RCOR1: variants seen among roughly 807,000 people sequenced by gnomAD.
RCOR1 encodes REST corepressor 1.
In RCOR1, 12 loss-of-function variants were observed where a neutral mutation model predicts 64.0. The ratio of observed to expected loss-of-function variants is 0.19; its 90% CI spans 0.12 to 0.30. The LOEUF is 0.30. RCOR1 is among the 10% of genes least tolerant of loss of function. The probability of loss-of-function intolerance (pLI) is 1.00; values close to 1 mark genes in which losing one functional copy is unlikely to be tolerated. For synonymous variants in RCOR1, 279 were observed against 227.2 expected (o/e 1.23, Z -2.05); for missense variants, 502 against 621.2 (o/e 0.81, Z 2.04).
intron 2 of RCOR1, among the ~76,000 whole-genome samples, chr14:102,638,675 C>CT (rs1357878063): frequency 1.3e-5 from 2 of 151,068 alleles, no homozygotes; most frequent in African/African-American, 2.5e-5. Flanking sequence ...CTTTTCTTTT[C>CT]TTTTTTTCTT....
intron 2 of RCOR1, among the ~76,000 whole-genome samples, chr14:102,635,588 A>C (rs1271079338): frequency 1.3e-5 from 2 of 152,208 alleles, no homozygotes; most frequent in Non-Finnish European, 2.9e-5. Flanking sequence ...TATTATTATT[A>C]AAATTGTATG....
chr14:102,695,354 T>C (rs1452494162), intron 3 of RCOR1: 1 of 151,220 alleles, frequency 6.6e-6, no homozygotes, highest in East Asian at 1.9e-4. Flanking sequence ...CCCTTCTGCC[T>C]CTATCTTCTC....
intron 3 of RCOR1, chr14:102,695,449 G>C (rs897956098): frequency 1.3e-5 from 2 of 152,208 alleles, no homozygotes; most frequent in Non-Finnish European, 2.9e-5. Context: ...GGAACTCCTT[G>C]TTCTTCTCTC....
chr14:102,620,842 ACT>A (rs1555462350), intron 2 of RCOR1, among the ~76,000 whole-genome samples: 1 of 151,828 alleles, frequency 6.6e-6, no homozygotes, highest in Non-Finnish European at 1.5e-5. Context: ...CTGCTCCATT[ACT>A]CTTTCTTTAT....
At chr14:102,597,554 C>G (rs1893282779) in intron 2 of RCOR1, among the ~76,000 whole-genome samples, 1 of 151,006 alleles carries the variant, frequency 6.6e-6, no homozygotes, top group Admixed American at 6.6e-5. Flanking sequence ...GTCTCGAACT[C>G]CTGACCTCAG....
intron 2 of RCOR1, among the ~76,000 whole-genome samples, chr14:102,628,538 CAAAA>C (rs371262191): frequency 2.4e-5 from 3 of 127,316 alleles, no homozygotes; most frequent in African/African-American, 8.5e-5. Flanking sequence ...ACTGCAACTC[CAAAA>C]AAAAAAAAAG....
chr14:102,667,599 T>G (rs946258347), intron 2 of RCOR1, among the ~76,000 whole-genome samples: 16 of 152,142 alleles, frequency 1.1e-4, no homozygotes, highest in Admixed American at 9.2e-4. Context: ...GAGACCGAAT[T>G]TAGCCTGCAA....
intron 2 of RCOR1, among the ~76,000 whole-genome samples, chr14:102,638,839 T>A (rs1033189093): frequency 2.6e-5 from 4 of 152,114 alleles, no homozygotes; most frequent in Non-Finnish European, 5.9e-5. Flanking sequence ...ATGTTTGTAT[T>A]TTTAGTGGAG....
At chr14:102,714,685 T>C in intron 8 of RCOR1, 68 bp downstream of exon 8, 2 of 1,213,436 alleles carry the variant, frequency 1.6e-6, no homozygotes, top group Non-Finnish European at 2.3e-6. Context: ...CTGTTATTCA[T>C]ATATGTGAAT....
intron 2 of RCOR1, among the ~76,000 whole-genome samples, chr14:102,607,605 C>G (rs1893539413): frequency 1.3e-5 from 2 of 151,950 alleles, no homozygotes; most frequent in Admixed American, 6.6e-5. Flanking sequence ...AAAAGCTAGC[C>G]AGGCGTGGTT....
chr14:102,661,606 A>G (rs914979949), intron 2 of RCOR1, among the ~76,000 whole-genome samples: 7 of 152,212 alleles, frequency 4.6e-5, no homozygotes, highest in Non-Finnish European at 1.0e-4. Flanking sequence ...AGTATTTCCT[A>G]CAGTATTAGG....
chr14:102,654,114 T>A (rs1348540625), intron 2 of RCOR1, among the ~76,000 whole-genome samples: 1 of 149,778 alleles, frequency 6.7e-6, no homozygotes, highest in Admixed American at 6.7e-5. Flanking sequence ...GCCTCCCGAG[T>A]AGCTGGGACT....
chr14:102,707,555 C>CT, intron 5 of RCOR1, 43 bp downstream of exon 5: 2 of 1,487,640 alleles, frequency 1.3e-6, no homozygotes, highest in Non-Finnish European at 1.8e-6. Context: ...TTTCTCCTAT[C>CT]TAACTCTCTT....
intron 2 of RCOR1, among the ~76,000 whole-genome samples, chr14:102,597,250 A>G (rs1893273675): frequency 6.7e-6 from 1 of 150,140 alleles, no homozygotes; most frequent in East Asian, 1.9e-4. Flanking sequence ...GAAACTTAAC[A>G]GGCAGCTTTT....
chr14:102,702,658 C>A (rs981415645), intron 4 of RCOR1, among the ~76,000 whole-genome samples: 4 of 152,118 alleles, frequency 2.6e-5, no homozygotes, highest in African/African-American at 9.7e-5. Flanking sequence ...TCAGAGAAGA[C>A]CTTCAGTTTA....
intron 11 of RCOR1, among the ~76,000 whole-genome samples, chr14:102,723,644 C>T (rs1384818035): frequency 6.8e-6 from 1 of 147,848 alleles, no homozygotes; most frequent in Non-Finnish European, 1.5e-5. Flanking sequence ...TGATTTTTTT[C>T]TTTATTATTA....
intron 2 of RCOR1, among the ~76,000 whole-genome samples, chr14:102,650,277 G>A (rs1292348985): frequency 2.0e-5 from 3 of 151,424 alleles, no homozygotes; most frequent in African/African-American, 7.3e-5. Context: ...GGGAGGCTGA[G>A]GTGGGAGAAT....
Position 102,726,555 on chromosome 14 carries a change from A to G in RCOR1, c.*49A>G, listed in dbSNP as rs1346553380. 3.3e-6 allele frequency: 5 copies of G among 1,495,790 alleles called. No homozygotes were observed. Among genetic ancestry groups the G allele is most frequent in the Non-Finnish European group, 3.7e-6 (4 of 1,091,550 alleles). The allele number at this position is 1,495,790 out of a possible 1,614,324, so 92.7% of individuals were successfully genotyped here. A position where few individuals can be genotyped will look rare whatever the true frequency, so the allele number is the denominator to read the frequency against. ...GGTGTGGACTACTGTGTTATCCGGG[A>G]TATCAGGTATTATGAGACATCACCT... On this transcript the variant is annotated 3_prime_UTR_variant, in exon 12 of 12. Coordinates refer to ENST00000262241, the MANE Select transcript of RCOR1 (RefSeq NM_015156.4).
At chr14:102,692,867 G>A (rs960561579) in intron 3 of RCOR1, among the ~76,000 whole-genome samples, 6 of 149,790 alleles carry the variant, frequency 4.0e-5, no homozygotes, top group Non-Finnish European at 7.4e-5. Context: ...CCAGGTTCAA[G>A]CAATTCTCGT....
Sources: gnomAD v4.1 joint callset for allele counts (sites outside exome capture counted in the v4.1 genomes callset) on GRCh38, gnomAD v4.1.1 for gene constraint, MANE v1.5 for transcripts, NCBI Gene and HGNC (gene_info 2026-07-23, HGNC 2026-07-21) for gene names.